Variants in PLAT observed in about 807,000 individuals in gnomAD.
PLAT encodes plasminogen activator, tissue type.
Under a neutral mutation model 74.9 loss-of-function variants are expected in PLAT, and 48 were observed. The ratio of observed to expected loss-of-function variants is 0.64; its 90% confidence interval spans 0.51 to 0.82. PLAT has a LOEUF of 0.82. Ranked by LOEUF, PLAT falls within the 40% of genes least tolerant of loss-of-function variation. The pLI, the probability that PLAT is intolerant of heterozygous loss-of-function variation, is 0.00. For missense variants in PLAT, 673 were observed against 736.2 expected (o/e 0.91, Z 0.99); for synonymous variants, 307 against 294.4 (o/e 1.04, Z -0.44).
At chr8:42,188,401 A>T in intron 4 of PLAT, 1 of 175,048 alleles carries the variant, frequency 5.7e-6, no homozygotes, top group Admixed American at 6.0e-5. Context: ...CTCTTTATAG[A>T]TGAGGAAACT....
chr8:42,187,896 A>T lies in PLAT; in HGVS notation c.364+10T>A. On this transcript the variant is annotated intron_variant, in intron 5 of 13. Transcript: ENST00000220809. ...ATTTCAGCTCGTTTCACGTGCTCTC[A>T]CCTACTCACCTATTTCACAGCACTT... is the stretch of plus-strand genomic sequence containing the variant. 6.5e-7 allele frequency: 1 copy of T among 1,534,440 alleles called. No homozygotes were observed. Among genetic ancestry groups the T allele is most frequent in the South Asian group, 1.1e-5 (1 of 89,380 alleles).
intron 2 of PLAT, among the ~76,000 whole-genome samples, chr8:42,192,489 T>G (rs1360941305): frequency 6.6e-6 from 1 of 152,196 alleles, no homozygotes; most frequent in Non-Finnish European, 1.5e-5. Flanking sequence ...GAGCTATGAT[T>G]GTGCCATTGC....
intron 7 of PLAT, 147 bp from the exon 8 acceptor site, chr8:42,183,037 T>C: frequency 1.7e-6 from 1 of 593,870 alleles, no homozygotes; most frequent in Non-Finnish European, 3.0e-6. Context: ...ACACTTCCCC[T>C]TTTGTTGCCC....
chr8:42,188,692 C>G (rs893383039), intron 4 of PLAT, among the ~76,000 whole-genome samples: 2 of 152,158 alleles, frequency 1.3e-5, no homozygotes, highest in African/African-American at 4.8e-5. Flanking sequence ...AATGCAGTGG[C>G]ACAATCGTAG....
chr8:42,180,223 G>C lies in PLAT; in HGVS notation c.1222+19C>G. 6.2e-7 allele frequency: 1 copy of C among 1,613,824 alleles called. No individual in the cohort carries two copies. ...TGTGTGATCTGTATGAACTGGAGCC[G>C]GGAATGACGAGCTCTTACCAATGTC... On this transcript the variant is annotated intron_variant, in intron 11 of 13. Transcript: ENST00000220809.
chr8:42,178,069 C>T (rs1286452964), intron 13 of PLAT, among the ~76,000 whole-genome samples: 1 of 152,186 alleles, frequency 6.6e-6, no homozygotes, highest in Non-Finnish European at 1.5e-5. Flanking sequence ...AATATAAGTA[C>T]TAATTCTGAT....
Position 42,201,265 on chromosome 8 carries a change from G to C in PLAT, c.-27+6229C>G, listed in dbSNP as rs148477750. Among the ~76,000 whole-genome samples, 1,064 of 152,320 alleles carry C rather than the reference G, an allele frequency of 7.0e-3. 12 individuals carry two copies. The highest frequency in any genetic ancestry group is 0.033 in the South Asian group (159 of 4,824). Reference sequence around the variant, plus strand: ...TCTGTGTGGGCAACTCACTCTCTCTGAGCCTGTTTCCTGGTTTTTGTCATG... The same window carrying C: ...TCTGTGTGGGCAACTCACTCTCTCTCAGCCTGTTTCCTGGTTTTTGTCATG... On this transcript the variant is annotated intron_variant, in intron 1 of 13. Transcript: ENST00000220809.
chr8:42,206,969 C>A (rs1209661191), intron 1 of PLAT, among the ~76,000 whole-genome samples: 1 of 152,166 alleles, frequency 6.6e-6, no homozygotes, highest in African/African-American at 2.4e-5. Flanking sequence ...TGAAAGCCAC[C>A]TGCTTCTCTC....
chr8:42,194,006 GC>G (rs60392865), intron 1 of PLAT, among the ~76,000 whole-genome samples: 148,577 of 148,666 alleles, frequency 1, 74,244 homozygotes, highest in Middle Eastern at 1. Flanking sequence ...GAGCCACCGC[GC>G]CCCCGCTGCC....
intron 3 of PLAT, among the ~76,000 whole-genome samples, chr8:42,190,517 C>G (rs1486846535): frequency 6.6e-6 from 1 of 152,158 alleles, no homozygotes; most frequent in Non-Finnish European, 1.5e-5. Flanking sequence ...AGAAGTAGCA[C>G]GTGCCCACTG....
chr8:42,197,792 G>A (rs8178708), intron 1 of PLAT, among the ~76,000 whole-genome samples: 2,854 of 152,232 alleles, frequency 0.019, 74 homozygotes, highest in African/African-American at 0.065. Context: ...CAGCTTGTTC[G>A]CATAAGGTAA....
intron 3 of PLAT, among the ~76,000 whole-genome samples, chr8:42,189,796 A>G (rs1438422442): frequency 6.6e-6 from 1 of 151,388 alleles, no homozygotes; most frequent in Non-Finnish European, 1.5e-5. Context: ...ACGGGGTTTC[A>G]CCATATTGGA....
chr8:42,187,245 C>T (rs1805514754), intron 6 of PLAT, 153 bp downstream of exon 6: 1 of 561,422 alleles, frequency 1.8e-6, no homozygotes, highest in African/African-American at 1.9e-5. Flanking sequence ...TATCATCTAT[C>T]ACCTATCATC....
intron 1 of PLAT, among the ~76,000 whole-genome samples, chr8:42,201,926 C>A (rs1806146515): frequency 6.6e-6 from 1 of 152,224 alleles, no homozygotes; most frequent in African/African-American, 2.4e-5. Flanking sequence ...CCGGCTCTTG[C>A]TACAACAAGA....
At chr8:42,202,106 ACCTC>A (rs2129819442) in intron 1 of PLAT, among the ~76,000 whole-genome samples, 1 of 151,480 alleles carries the variant, frequency 6.6e-6, no homozygotes, top group Admixed American at 6.6e-5. Flanking sequence ...TGCAGTTTCA[ACCTC>A]CCTGGCTCAA....
At chr8:42,205,692 T>G (rs929742108) in intron 1 of PLAT, among the ~76,000 whole-genome samples, 1 of 152,244 alleles carries the variant, frequency 6.6e-6, no homozygotes, top group Non-Finnish European at 1.5e-5. Flanking sequence ...CGAGTTGTCC[T>G]GCCTTTCCAG....
At chr8:42,193,264 G>T in intron 1 of PLAT, 53 bp from the exon 2 acceptor site, 2 of 1,172,884 alleles carry the variant, frequency 1.7e-6, no homozygotes, top group Non-Finnish European at 1.3e-6. Flanking sequence ...GTCCATGATG[G>T]CAACAGAGGA....
chr8:42,197,935 C>G (rs181038226), intron 1 of PLAT, among the ~76,000 whole-genome samples: 14 of 152,314 alleles, frequency 9.2e-5, no homozygotes, highest in African/African-American at 3.1e-4. Flanking sequence ...TGACATCCTG[C>G]GGTTTCTGTT....
intron 1 of PLAT, among the ~76,000 whole-genome samples, chr8:42,195,320 G>C (rs1025048716): frequency 6.6e-6 from 1 of 152,192 alleles, no homozygotes; most frequent in African/African-American, 2.4e-5. Flanking sequence ...GAGGAGCTTA[G>C]GGAGAGGGCG....
Sources: allele counts gnomAD v4.1 joint callset (sites outside exome capture counted in the v4.1 genomes callset), GRCh38; gene constraint gnomAD v4.1.1; transcripts MANE v1.5; gene names NCBI Gene and HGNC (gene_info 2026-07-23, HGNC 2026-07-21).